ADAMTSL3: variants seen among roughly 807,000 people sequenced by gnomAD.
ADAMTSL3 encodes ADAMTS-like protein 3.
ADAMTSL3 carries 128 observed loss-of-function variants against 201.7 expected under a neutral mutation model. The observed-to-expected ratio is 0.63, with a 90% CI of 0.55 to 0.73. ADAMTSL3 has a LOEUF of 0.73. Ranked by LOEUF, ADAMTSL3 falls within the 30% of genes least tolerant of loss-of-function variation. The pLI, the probability that ADAMTSL3 is intolerant of heterozygous loss-of-function variation, is 0.00. For synonymous variants in ADAMTSL3, 738 were observed against 748.4 expected, an observed-to-expected ratio of 0.99 and a Z score of 0.23; for missense variants, 1,990 against 2,119.6, an observed-to-expected ratio of 0.94 and a Z score of 1.20.
rs767183344 is a variant in ADAMTSL3 at position 83,858,856 on chromosome 15, T to G, written c.802+16T>G. Reference sequence around the variant, plus strand: ...GCCCACCTCTGTAAGTAGAATTTAATCTTAACATTTTTTAATATCCTGAAA... The same window carrying G: ...GCCCACCTCTGTAAGTAGAATTTAAGCTTAACATTTTTTAATATCCTGAAA... On this transcript the variant is annotated intron_variant, in intron 8 of 29. Transcript: ENST00000286744. 44 of 1,583,324 alleles carry G rather than the reference T, an allele frequency of 2.8e-5. No individual in the cohort carries two copies. The highest frequency in any genetic ancestry group is 3.5e-5 in the Non-Finnish European group (41 of 1,163,798).
chr15:83,772,837 C>T (rs2063006770), intron 3 of ADAMTSL3, among the ~76,000 whole-genome samples: 1 of 151,980 alleles, frequency 6.6e-6, no homozygotes, highest in Non-Finnish European at 1.5e-5. Context: ...TCCCGAGTAG[C>T]TGGGATTACA....
intron 9 of ADAMTSL3, 39 bp downstream of exon 9, chr15:83,870,998 C>A: frequency 6.3e-7 from 1 of 1,590,188 alleles, no homozygotes; most frequent in East Asian, 2.2e-5. Context: ...GTACCTGAAT[C>A]CCAGAACATC....
intron 3 of ADAMTSL3, among the ~76,000 whole-genome samples, chr15:83,765,498 T>G (rs988673349): frequency 6.6e-6 from 1 of 152,214 alleles, no homozygotes; most frequent in African/African-American, 2.4e-5. Flanking sequence ...TACTAATGTT[T>G]TAGCAAGACT....
intron 24 of ADAMTSL3, 136 bp downstream of exon 24, chr15:84,014,860 T>A: frequency 2.3e-6 from 2 of 861,746 alleles, no homozygotes; most frequent in Non-Finnish European, 3.6e-6. Flanking sequence ...ACTGCCTGCT[T>A]AAAAACGAGC....
intron 17 of ADAMTSL3, among the ~76,000 whole-genome samples, chr15:83,924,642 C>A (rs2066214454): frequency 6.6e-6 from 1 of 152,102 alleles, no homozygotes; most frequent in African/African-American, 2.4e-5. Flanking sequence ...CTGGTAAGAT[C>A]CTGAGGAATT....
rs2065541504 is a variant in ADAMTSL3 at position 83,892,987 on chromosome 15, A to T, written c.1467+99A>T. On this transcript the variant is annotated intron_variant, in intron 13 of 29. Coordinates refer to ENST00000286744, the MANE Select transcript of ADAMTSL3 (RefSeq NM_207517.3). ...TGCTAGACAGCATGGAGACAAAAAA[A>T]AAGTGGTAAAAGAGCATGGTTCCTA... The T allele has an allele frequency of 2.5e-6, 3 of 1,182,684 alleles. No individual in the cohort carries two copies. In the African/African-American group the frequency reaches 4.6e-5, roughly 18 times the overall value. The allele number at this position is 1,182,684 out of a possible 1,614,324, so 73.3% of individuals were successfully genotyped here. A position where few individuals can be genotyped will look rare whatever the true frequency, so the allele number is the denominator to read the frequency against.
In ADAMTSL3 at chr15:84,014,739, C is replaced by T; in HGVS notation, c.4156+15C>T. 6.3e-7 allele frequency: 1 copy of T among 1,595,822 alleles called. No homozygotes were observed. Among genetic ancestry groups the T allele is most frequent in the Non-Finnish European group, 8.5e-7 (1 of 1,171,446 alleles). On this transcript the variant is annotated intron_variant, in intron 24 of 29. Coordinates refer to ENST00000286744, the MANE Select transcript of ADAMTSL3 (RefSeq NM_207517.3). ...CCACTTGCTGGGTAAGTGTCAAATT[C>T]TTATTGCTCCTTAAGTGCCTCCTGT...
chr15:83,661,332 G>A (rs1478266849), intron 2 of ADAMTSL3, among the ~76,000 whole-genome samples: 2 of 151,260 alleles, frequency 1.3e-5, no homozygotes, highest in African/African-American at 2.4e-5. Flanking sequence ...GGCATTGGTA[G>A]CTTGATGGGG....
chr15:83,871,428 T>C (rs896210418), intron 9 of ADAMTSL3, among the ~76,000 whole-genome samples: 1 of 152,312 alleles, frequency 6.6e-6, no homozygotes, highest in Admixed American at 6.5e-5. Context: ...AAACCAGTAT[T>C]GTGCCGCTGC....
chr15:83,989,172 G>C (rs1228716011), intron 22 of ADAMTSL3, among the ~76,000 whole-genome samples: 1 of 152,146 alleles, frequency 6.6e-6, no homozygotes, highest in East Asian at 1.9e-4. Context: ...GTGAGCCACC[G>C]CGCCTGGCTG....
At chr15:83,802,148 A>C (rs995503163) in intron 4 of ADAMTSL3, among the ~76,000 whole-genome samples, 6 of 152,198 alleles carry the variant, frequency 3.9e-5, no homozygotes, top group Non-Finnish European at 7.3e-5. Context: ...ATCATAAGCC[A>C]GCCATGCATC....
intron 10 of ADAMTSL3, among the ~76,000 whole-genome samples, chr15:83,887,804 T>C (rs1484785988): frequency 6.6e-6 from 1 of 152,172 alleles, no homozygotes; most frequent in Non-Finnish European, 1.5e-5. Context: ...TTGCCCAGGC[T>C]GGTCTCCAAC....
At chr15:83,854,583 T>A (rs919903712) in intron 7 of ADAMTSL3, among the ~76,000 whole-genome samples, 2 of 152,224 alleles carry the variant, frequency 1.3e-5, no homozygotes, top group African/African-American at 4.8e-5. Context: ...TGCAGAGTGA[T>A]GCCTTGACAA....
intron 19 of ADAMTSL3, among the ~76,000 whole-genome samples, chr15:83,958,074 C>T (rs112480215): frequency 4.5e-4 from 69 of 152,276 alleles, no homozygotes; most frequent in African/African-American, 1.6e-3. Flanking sequence ...CCAAACCACA[C>T]AGTGCAGACA....
At chr15:83,834,903 A>G (rs1291497399) in intron 6 of ADAMTSL3, among the ~76,000 whole-genome samples, 13 of 152,216 alleles carry the variant, frequency 8.5e-5, no homozygotes, top group Admixed American at 7.2e-4. Context: ...AGATGATGTC[A>G]TAGAAGTTGG....
At chr15:83,960,215 C>T (rs2066940011) in intron 19 of ADAMTSL3, among the ~76,000 whole-genome samples, 1 of 152,010 alleles carries the variant, frequency 6.6e-6, no homozygotes, top group Non-Finnish European at 1.5e-5. Flanking sequence ...TTTAAAAATT[C>T]CATTTTCCTC....
In ADAMTSL3 at chr15:83,777,164, A is replaced by C. The variant is rs554110706; in HGVS notation, c.317+3514A>C. 4.6e-5 allele frequency among the ~76,000 whole-genome samples: 7 copies of C among 152,316 alleles called. No individual in the cohort carries two copies. In the East Asian group the frequency reaches 1.4e-3, roughly 29 times the overall value. On this transcript the variant is annotated intron_variant, in intron 4 of 29. Transcript: ENST00000286744. ...CCACCTCCAGCATGACTGAACACAC[A>C]GTCACCAACAGGGGCCTCCTGCCCA... is the stretch of plus-strand genomic sequence containing the variant.
intron 10 of ADAMTSL3, among the ~76,000 whole-genome samples, chr15:83,889,344 G>A (rs1036833978): frequency 1.6e-4 from 24 of 152,172 alleles, no homozygotes; most frequent in African/African-American, 5.8e-4. Flanking sequence ...CAGGGGAGCA[G>A]AGGAGTAAAA....
chr15:83,694,108 T>G (rs2061648568), intron 2 of ADAMTSL3, among the ~76,000 whole-genome samples: 1 of 152,204 alleles, frequency 6.6e-6, no homozygotes, highest in Admixed American at 6.5e-5. Flanking sequence ...TGAGAGCATG[T>G]TCTTCTTCAA....
Sources: allele counts gnomAD v4.1 joint callset (sites outside exome capture counted in the v4.1 genomes callset), GRCh38; gene constraint gnomAD v4.1.1; transcripts MANE v1.5; gene names NCBI Gene and HGNC (gene_info 2026-07-23, HGNC 2026-07-21).